The following TUT7 variants were observed in gnomAD, a reference collection of about 807,000 sequenced individuals.
TUT7 encodes the protein terminal uridylyltransferase 7.
In TUT7, 33 loss-of-function variants were observed where a neutral mutation model predicts 165.9. The ratio of observed to expected loss-of-function variants is 0.20; its 90% CI spans 0.15 to 0.27. The LOEUF (loss-of-function observed/expected upper bound fraction) is 0.27. Among genes scored for constraint, TUT7 ranks in the 10% least tolerant of loss-of-function variants. The probability of loss-of-function intolerance (pLI) is 1.00; values close to 1 mark genes in which losing one functional copy is unlikely to be tolerated. For synonymous variants in TUT7, 552 were observed against 608.1 expected (o/e 0.91, Z 1.36); for missense variants, 1,338 against 1,762.3 (o/e 0.76, Z 4.31).
Position 86,290,929 on chromosome 9 carries a change from A to G in TUT7, c.4421-2185T>C, listed in dbSNP as rs74630824. Among the ~76,000 whole-genome samples, 1,000 of 152,252 alleles carry G rather than the reference A, an allele frequency of 6.6e-3. 15 individuals are homozygous for G. Among genetic ancestry groups the G allele is most frequent in the African/African-American group, 0.022 (933 of 41,560 alleles). Reference sequence around the variant, plus strand: ...AAACTCTGGATGGATTAAAGGTCTAAATAGAAAAAACAAAGTTTTAAAGCT... The same window carrying G: ...AAACTCTGGATGGATTAAAGGTCTAGATAGAAAAAACAAAGTTTTAAAGCT... On this transcript the variant is annotated intron_variant, in intron 26 of 26. Coordinates refer to ENST00000375963, the MANE Select transcript of TUT7 (RefSeq NM_024617.4).
chr9:86,343,587 T>C (rs1203818936), intron 5 of TUT7, among the ~76,000 whole-genome samples: 1 of 152,224 alleles, frequency 6.6e-6, no homozygotes, highest in Non-Finnish European at 1.5e-5. Context: ...ACGTTTCTTT[T>C]CACCTTTTAG....
intron 6 of TUT7, among the ~76,000 whole-genome samples, chr9:86,341,926 A>G (rs1042355670): frequency 6.6e-6 from 1 of 152,100 alleles, no homozygotes; most frequent in Non-Finnish European, 1.5e-5. Context: ...GAGTTCCATA[A>G]AGAGGAACCA....
At chr9:86,308,680 G>A (rs1326953612) in intron 21 of TUT7, 74 bp from the exon 22 acceptor site, 12 of 1,279,394 alleles carry the variant, frequency 9.4e-6, no homozygotes, top group Non-Finnish European at 1.3e-5. Flanking sequence ...TTGTATTTTA[G>A]GGAGTAAATT....
At chr9:86,332,839 T>G (rs1446126442) in intron 10 of TUT7, among the ~76,000 whole-genome samples, 1 of 152,188 alleles carries the variant, frequency 6.6e-6, no homozygotes, top group Non-Finnish European at 1.5e-5. Context: ...AGACAAAATT[T>G]CCATTTGGTT....
chr9:86,314,308 C>T (rs1375035386), intron 17 of TUT7, among the ~76,000 whole-genome samples: 1 of 152,208 alleles, frequency 6.6e-6, no homozygotes, highest in African/African-American at 2.4e-5. Context: ...CATATCTTCC[C>T]AGTTCCTTTT....
chr9:86,302,151 T>C (rs943623425), intron 25 of TUT7, among the ~76,000 whole-genome samples: 1 of 152,128 alleles, frequency 6.6e-6, no homozygotes, highest in Admixed American at 6.6e-5. Context: ...TTGAGCACCA[T>C]GTTTTAAAAT....
intron 10 of TUT7, among the ~76,000 whole-genome samples, chr9:86,331,354 TATTA>T (rs1392409082): frequency 5.9e-5 from 9 of 152,338 alleles, no homozygotes; most frequent in African/African-American, 2.2e-4. Flanking sequence ...GTTTTATAAA[TATTA>T]ATTAGGTCAA....
In TUT7 at chr9:86,337,548, A is replaced by G. The variant is rs751992144; in HGVS notation, c.1336-10T>C. 1 of 1,588,304 alleles carries G rather than the reference A, an allele frequency of 6.3e-7. No homozygotes were observed. ...GATCTATACTGCAAAGCTACAAACA[A>G]GAGAAAAGAAAGTTAAGCATTCTTT... On this transcript the variant is annotated splice_polypyrimidine_tract_variant and intron_variant, in intron 9 of 26. Coordinates refer to ENST00000375963, the MANE Select transcript of TUT7 (RefSeq NM_024617.4).
intron 11 of TUT7, among the ~76,000 whole-genome samples, chr9:86,325,866 C>T (rs939036532): frequency 6.6e-6 from 1 of 152,196 alleles, no homozygotes; most frequent in South Asian, 2.1e-4. Context: ...CTTCCTGTTA[C>T]TGCTGCTGGA....
chr9:86,310,064 G>A lies in TUT7; in HGVS notation c.3379-47C>T, dbSNP rs776388854. ...TATAAGACTAACAATGAAGTGTAAA[G>A]GGTCTCTTTTTTTTTTTTGGTTGTT... On this transcript the variant is annotated intron_variant, in intron 18 of 26. Coordinates refer to ENST00000375963, the MANE Select transcript of TUT7 (RefSeq NM_024617.4). 8 of 1,450,930 alleles carry A rather than the reference G, an allele frequency of 5.5e-6. No individual in the cohort carries two copies. The Admixed American group carries it at 1.5e-4, about 28-fold the overall frequency. 89.9% of individuals were successfully genotyped at this position (1,450,930 alleles called of 1,614,324 possible).
chr9:86,321,805 G>C (rs1829325802), intron 14 of TUT7, among the ~76,000 whole-genome samples: 3 of 152,164 alleles, frequency 2.0e-5, no homozygotes. Flanking sequence ...TTAATAAAAG[G>C]AAGTACAGAA....
At chr9:86,316,709 C>T (rs916336738) in intron 17 of TUT7, among the ~76,000 whole-genome samples, 1 of 152,154 alleles carries the variant, frequency 6.6e-6, no homozygotes, top group Non-Finnish European at 1.5e-5. Flanking sequence ...GTCTTTCATA[C>T]TTACGCATAC....
At chr9:86,301,721 TA>T in intron 25 of TUT7, 120 bp from the exon 26 acceptor site, 1 of 1,488,742 alleles carries the variant, frequency 6.7e-7, no homozygotes, top group Non-Finnish European at 8.9e-7. Context: ...TAGAAAGTAT[TA>T]AAAGGAAAAG....
intron 10 of TUT7, among the ~76,000 whole-genome samples, chr9:86,332,590 A>C (rs1257527467): frequency 6.6e-6 from 1 of 152,152 alleles, no homozygotes; most frequent in Non-Finnish European, 1.5e-5. Flanking sequence ...AAAAATAACT[A>C]TTGGGTACTA....
At chr9:86,351,132 CA>C (rs35968773) in intron 2 of TUT7, among the ~76,000 whole-genome samples, 62,769 of 120,362 alleles carry the variant, frequency 0.52, 14,627 homozygotes, top group Non-Finnish European at 0.57. Flanking sequence ...GAGACTGTCT[CA>C]AAAAAAAAAA....
chr9:86,336,328 T>A (rs1405365542), intron 10 of TUT7, among the ~76,000 whole-genome samples: 2 of 152,328 alleles, frequency 1.3e-5, no homozygotes, highest in Non-Finnish European at 2.9e-5. Flanking sequence ...TGCTCTTTTT[T>A]CTACCAGGAC....
At chr9:86,302,451 C>T (rs1005275788) in intron 25 of TUT7, among the ~76,000 whole-genome samples, 4 of 152,168 alleles carry the variant, frequency 2.6e-5, no homozygotes, top group African/African-American at 9.7e-5. Flanking sequence ...TGACTGTTTA[C>T]TGACTGAAAT....
At chr9:86,303,234 T>G (rs369977697) in intron 24 of TUT7, 33 bp from the exon 25 acceptor site, 5 of 1,215,832 alleles carry the variant, frequency 4.1e-6, no homozygotes, top group Admixed American at 2.1e-5. Flanking sequence ...AAGCCTGAAC[T>G]ATTCACGTGA....
chr9:86,333,578 A>G (rs931254683), intron 10 of TUT7, among the ~76,000 whole-genome samples: 1 of 152,080 alleles, frequency 6.6e-6, no homozygotes, highest in Admixed American at 6.6e-5. Flanking sequence ...ATCTTTTGAG[A>G]GTTTCTGCTT....
Sources: gnomAD v4.1 joint callset for allele counts (sites outside exome capture counted in the v4.1 genomes callset) on GRCh38, gnomAD v4.1.1 for gene constraint, MANE v1.5 for transcripts, NCBI Gene and HGNC (gene_info 2026-07-23, HGNC 2026-07-21) for gene names.